Variants in BACH2 observed in about 807,000 individuals in gnomAD.
The protein encoded by BACH2 is BACH transcriptional regulator 2, also known as transcription regulator protein BACH2.
In BACH2, 5 loss-of-function variants were observed where a neutral mutation model predicts 61.8. The observed-to-expected ratio is 0.08, with a 90% CI of 0.04 to 0.17. BACH2 has a LOEUF of 0.17. Ranked by LOEUF, BACH2 falls within the 10% of genes least tolerant of loss-of-function variation. The pLI is 1.00. For missense variants in BACH2, 824 were observed against 1,091.1 expected, an observed-to-expected ratio of 0.76 and a Z score of 3.45; for synonymous variants, 446 against 440.1, an observed-to-expected ratio of 1.01 and a Z score of -0.17.
chr6:90,149,211 C>T (rs955694707), intron 4 of BACH2, among the ~76,000 whole-genome samples: 1 of 152,178 alleles, frequency 6.6e-6, no homozygotes, highest in Admixed American at 6.5e-5. Context: ...ATTAGGACAA[C>T]AGAGATATGA....
At chr6:90,007,957 T>C (rs752582593) in intron 6 of BACH2, 1 of 153,810 alleles carries the variant, frequency 6.5e-6, no homozygotes, top group Admixed American at 6.4e-5. Flanking sequence ...TTTGCCATTG[T>C]GAAGCCCATC....
chr6:90,233,574 T>A (rs1349083115), intron 3 of BACH2, among the ~76,000 whole-genome samples: 1 of 152,188 alleles, frequency 6.6e-6, no homozygotes, highest in Non-Finnish European at 1.5e-5. Flanking sequence ...GCCTGACAAT[T>A]GGGAATAATA....
chr6:90,265,084 C>A (rs991279349), intron 2 of BACH2, among the ~76,000 whole-genome samples: 3 of 152,158 alleles, frequency 2.0e-5, no homozygotes, highest in Non-Finnish European at 2.9e-5. Flanking sequence ...TCAAGGCATG[C>A]TCCATTTCAG....
intron 8 of BACH2, among the ~76,000 whole-genome samples, chr6:89,935,758 G>A (rs1312945906): frequency 6.6e-6 from 1 of 152,180 alleles, no homozygotes; most frequent in African/African-American, 2.4e-5. Flanking sequence ...TAAGCAGAAT[G>A]CAAATTACCA....
chr6:90,204,504 G>A (rs967105522), intron 4 of BACH2, among the ~76,000 whole-genome samples: 1 of 151,970 alleles, frequency 6.6e-6, no homozygotes, highest in African/African-American at 2.4e-5. Context: ...ATAAAATAAA[G>A]AACGTACTGA....
intron 5 of BACH2, among the ~76,000 whole-genome samples, chr6:90,030,215 C>A (rs1408826791): frequency 6.6e-6 from 1 of 152,116 alleles, no homozygotes; most frequent in Non-Finnish European, 1.5e-5. Context: ...CCAATTATGC[C>A]CTTCCTTTCC....
intron 5 of BACH2, among the ~76,000 whole-genome samples, chr6:90,026,188 A>G (rs1778627863): frequency 6.6e-6 from 1 of 152,226 alleles, no homozygotes; most frequent in Admixed American, 6.5e-5. Flanking sequence ...TTTCTGTCAA[A>G]CCTAAGACAC....
At chr6:90,023,694 T>G (rs190817157) in intron 5 of BACH2, among the ~76,000 whole-genome samples, 1 of 152,104 alleles carries the variant, frequency 6.6e-6, no homozygotes, top group Non-Finnish European at 1.5e-5. Flanking sequence ...TTGGGAGTGA[T>G]TGGGTTATAA....
intron 5 of BACH2, among the ~76,000 whole-genome samples, chr6:90,014,468 A>ATTTTTTTTTT (rs1164045089): frequency 6.2e-5 from 2 of 32,314 alleles, no homozygotes; most frequent in Admixed American, 6.0e-4. Context: ...ATATATATAT[A>ATTTTTTTTTT]TTTTTTTTTT....
chr6:90,288,004 C>T (rs1433762131), intron 1 of BACH2, among the ~76,000 whole-genome samples: 2 of 152,106 alleles, frequency 1.3e-5, no homozygotes, highest in Non-Finnish European at 2.9e-5. Flanking sequence ...GGCTGCAAAC[C>T]GTGCCTAGCT....
chr6:89,984,618 T>C (rs1183944987), intron 6 of BACH2, among the ~76,000 whole-genome samples: 2 of 152,168 alleles, frequency 1.3e-5, no homozygotes, highest in Non-Finnish European at 2.9e-5. Context: ...TTTAGGATAA[T>C]AGGTGCTCCT....
chr6:90,136,217 A>G (rs983153060), intron 4 of BACH2, among the ~76,000 whole-genome samples: 1 of 152,160 alleles, frequency 6.6e-6, no homozygotes, highest in Non-Finnish European at 1.5e-5. Flanking sequence ...AGAGATACCT[A>G]CATAATTGAC....
intron 4 of BACH2, among the ~76,000 whole-genome samples, chr6:90,111,664 CA>C (rs1783178301): frequency 6.6e-6 from 1 of 152,226 alleles, no homozygotes; most frequent in African/African-American, 2.4e-5. Context: ...CCTGCCCATA[CA>C]CATCTTCCTA....
intron 6 of BACH2, among the ~76,000 whole-genome samples, chr6:89,993,067 T>C (rs1161056200): frequency 2.0e-5 from 3 of 152,226 alleles, no homozygotes; most frequent in African/African-American, 7.2e-5. Context: ...AGGAGGCGGC[T>C]GTCTGTAAGC....
intron 5 of BACH2, among the ~76,000 whole-genome samples, chr6:90,025,749 G>A (rs1345772111): frequency 6.6e-6 from 1 of 152,182 alleles, no homozygotes; most frequent in East Asian, 1.9e-4. Context: ...ACGAGGATGG[G>A]AAACTGAGAG....
intron 1 of BACH2, among the ~76,000 whole-genome samples, chr6:90,277,056 G>A (rs901494450): frequency 6.6e-6 from 1 of 152,082 alleles, no homozygotes; most frequent in Non-Finnish European, 1.5e-5. Context: ...AACAGTTTGA[G>A]GTTTTCACTT....
At chr6:90,177,422 A>G (rs1243046306) in intron 4 of BACH2, among the ~76,000 whole-genome samples, 1 of 152,220 alleles carries the variant, frequency 6.6e-6, no homozygotes, top group Admixed American at 6.5e-5. Context: ...GTGAGTTCCC[A>G]CAACAACTCA....
chr6:90,151,632 C>T (rs143546383), intron 4 of BACH2, among the ~76,000 whole-genome samples: 16 of 152,260 alleles, frequency 1.1e-4, no homozygotes, highest in South Asian at 4.1e-4. Context: ...TCTGCTCCTG[C>T]CATAAGACAG....
chr6:90,015,602 CTGATT>C (rs1562371333), intron 5 of BACH2, among the ~76,000 whole-genome samples: 1 of 152,286 alleles, frequency 6.6e-6, no homozygotes, highest in South Asian at 2.1e-4. Flanking sequence ...TTAATCCTCT[CTGATT>C]TAATTCCATT....
Sources: allele counts gnomAD v4.1 joint callset (sites outside exome capture counted in the v4.1 genomes callset), GRCh38; gene constraint gnomAD v4.1.1; transcripts MANE v1.5; gene names NCBI Gene and HGNC (gene_info 2026-07-23, HGNC 2026-07-21).